The following KCNJ6 variants were observed in gnomAD, a reference collection of about 807,000 sequenced individuals.
The protein encoded by KCNJ6 is potassium inwardly rectifying channel subfamily J member 6, also known as G protein-activated inward rectifier potassium channel 2.
In KCNJ6, 9 loss-of-function variants were observed where a neutral mutation model predicts 34.2. The observed-to-expected ratio is 0.26, with a 90% CI of 0.16 to 0.46. The LOEUF (loss-of-function observed/expected upper bound fraction) is 0.46, where lower values mean the gene tolerates loss of function less well. Among genes scored for constraint, KCNJ6 ranks in the 20% least tolerant of loss-of-function variants. The pLI is 1.00. For missense variants in KCNJ6, 236 were observed against 531.3 expected (o/e 0.44, Z 5.46); for synonymous variants, 196 against 207.1 (o/e 0.95, Z 0.46).
chr21:37,667,481 G>T (rs958347702), intron 3 of KCNJ6, among the ~76,000 whole-genome samples: 3 of 152,072 alleles, frequency 2.0e-5, no homozygotes, highest in Admixed American at 2.0e-4. Flanking sequence ...TAGGCGCCGG[G>T]GTAGCGGGAG....
chr21:37,857,957 G>A (rs1055371188), intron 1 of KCNJ6, among the ~76,000 whole-genome samples: 3 of 152,076 alleles, frequency 2.0e-5, no homozygotes, highest in Admixed American at 1.3e-4. Flanking sequence ...TGAGAAGATA[G>A]AGCAAAATAA....
chr21:37,712,625 TCTTCCCTC>T (rs2054763822), intron 3 of KCNJ6, among the ~76,000 whole-genome samples: 1 of 93,684 alleles, frequency 1.1e-5, no homozygotes. Flanking sequence ...CTCTCCCTCC[TCTTCCCTC>T]CCTCCTCCCC....
chr21:37,908,221 T>C (rs2052531794), intron 1 of KCNJ6, among the ~76,000 whole-genome samples: 1 of 152,234 alleles, frequency 6.6e-6, no homozygotes. Context: ...CATAGTCTTC[T>C]CAGATATTTC....
intron 2 of KCNJ6, among the ~76,000 whole-genome samples, chr21:37,785,336 T>C (rs749803968): frequency 6.6e-6 from 1 of 152,200 alleles, no homozygotes; most frequent in Non-Finnish European, 1.5e-5. Flanking sequence ...TAAAAGAAGA[T>C]TTTAGACAAG....
intron 2 of KCNJ6, among the ~76,000 whole-genome samples, chr21:37,758,271 C>T (rs908810483): frequency 4.6e-5 from 7 of 152,164 alleles, no homozygotes; most frequent in African/African-American, 1.7e-4. Flanking sequence ...ACTTTATTAT[C>T]TTTAGACTCA....
At chr21:37,785,312 G>A (rs2055187788) in intron 2 of KCNJ6, among the ~76,000 whole-genome samples, 1 of 152,158 alleles carries the variant, frequency 6.6e-6, no homozygotes, top group Non-Finnish European at 1.5e-5. Flanking sequence ...TATAAAAGAT[G>A]TTCAAAACTC....
chr21:37,849,036 A>G (rs912905478), intron 1 of KCNJ6, among the ~76,000 whole-genome samples: 2 of 152,224 alleles, frequency 1.3e-5, no homozygotes, highest in African/African-American at 2.4e-5. Flanking sequence ...CATTATCACC[A>G]CAGACCTATC....
chr21:37,787,089 TTC>T (rs1254994273), intron 2 of KCNJ6, among the ~76,000 whole-genome samples: 2 of 152,214 alleles, frequency 1.3e-5, no homozygotes, highest in African/African-American at 4.8e-5. Context: ...CTGGATTCTG[TTC>T]TCTTTTGTCC....
At position 37,685,420 on chromosome 21, in the gene KCNJ6, G is replaced by A. The variant is rs534847785; in HGVS notation, c.946+28791C>T. Among the ~76,000 whole-genome samples, 45 of 148,872 alleles carry A rather than the reference G, an allele frequency of 3.0e-4. No homozygotes were observed. The South Asian group carries it at 6.5e-3, about 22-fold the overall frequency. On this transcript the variant is annotated intron_variant, in intron 3 of 3. Coordinates refer to ENST00000609713, the MANE Select transcript of KCNJ6 (RefSeq NM_002240.5). ...ATCCTGGCCGGGTGCAGTGGGTCAC[G>A]CCTGTAATCCCAGCACTTTGGGAGG...
intron 2 of KCNJ6, among the ~76,000 whole-genome samples, chr21:37,768,734 C>A (rs2055103073): frequency 6.6e-6 from 1 of 152,222 alleles, no homozygotes; most frequent in African/African-American, 2.4e-5. Flanking sequence ...GAAACTGTCC[C>A]CATGCTCCTA....
intron 2 of KCNJ6, among the ~76,000 whole-genome samples, chr21:37,778,891 G>A (rs532054290): frequency 1.5e-4 from 22 of 151,398 alleles, no homozygotes; most frequent in South Asian, 4.2e-4. Flanking sequence ...CCATCCACAC[G>A]CAGCCCTTTT....
chr21:37,657,604 T>G (rs1261670056), intron 3 of KCNJ6, among the ~76,000 whole-genome samples: 1 of 152,120 alleles, frequency 6.6e-6, no homozygotes, highest in Non-Finnish European at 1.5e-5. Context: ...CTCCCTCCTC[T>G]CAAAGAGATT....
chr21:37,886,860 A>G (rs1487051464), intron 1 of KCNJ6, among the ~76,000 whole-genome samples: 7 of 151,812 alleles, frequency 4.6e-5, no homozygotes, highest in Admixed American at 4.6e-4. Context: ...GCTGACACAC[A>G]GAAAGCCCTC....
At chr21:37,692,666 G>A (rs982569558) in intron 3 of KCNJ6, among the ~76,000 whole-genome samples, 3 of 152,164 alleles carry the variant, frequency 2.0e-5, no homozygotes, top group African/African-American at 7.2e-5. Context: ...TCTGGCTTTG[G>A]AGTGAATCAG....
At chr21:37,631,400 A>G (rs929115235) in intron 3 of KCNJ6, among the ~76,000 whole-genome samples, 3 of 152,266 alleles carry the variant, frequency 2.0e-5, no homozygotes, top group African/African-American at 7.2e-5. Context: ...GGAAAAGTAC[A>G]AAATTCATAA....
intron 2 of KCNJ6, among the ~76,000 whole-genome samples, chr21:37,773,335 C>A (rs1216649813): frequency 6.6e-6 from 1 of 152,182 alleles, no homozygotes; most frequent in East Asian, 1.9e-4. Flanking sequence ...CAAGTCACTC[C>A]ACTTCCTTGT....
chr21:37,892,851 A>G (rs1330288963), intron 1 of KCNJ6, among the ~76,000 whole-genome samples: 1 of 146,268 alleles, frequency 6.8e-6, no homozygotes, highest in Non-Finnish European at 1.5e-5. Context: ...GGCTTCTTTC[A>G]TAGTTTTTTT....
intron 3 of KCNJ6, among the ~76,000 whole-genome samples, chr21:37,670,973 T>C (rs1014615431): frequency 6.6e-6 from 1 of 152,224 alleles, no homozygotes; most frequent in African/African-American, 2.4e-5. Context: ...TTTCTTAATT[T>C]CCTTTTTGAA....
intron 1 of KCNJ6, among the ~76,000 whole-genome samples, chr21:37,906,322 T>C (rs771424550): frequency 2.6e-5 from 4 of 152,190 alleles, no homozygotes; most frequent in African/African-American, 4.8e-5. Context: ...TGGCATTCCA[T>C]TTCTAGTTGT....
Sources: allele counts gnomAD v4.1 joint callset (sites outside exome capture counted in the v4.1 genomes callset), GRCh38; gene constraint gnomAD v4.1.1; transcripts MANE v1.5; gene names NCBI Gene and HGNC (gene_info 2026-07-23, HGNC 2026-07-21).